Variants in PLAGL1 observed in about 807,000 individuals in gnomAD.
PLAGL1 encodes zinc finger protein PLAGL1.
Under a neutral mutation model 4.6 loss-of-function variants are expected in PLAGL1, and 1 was observed. That is an observed-to-expected ratio of 0.22 (90% CI 0.08 to 1.03). The LOEUF (loss-of-function observed/expected upper bound fraction) is 1.03. PLAGL1 is among the 50% of genes least tolerant of loss of function. The pLI, the probability that PLAGL1 is intolerant of heterozygous loss-of-function variation, is 0.58. For synonymous variants in PLAGL1, 240 were observed against 237.8 expected (o/e 1.01, Z -0.08); for missense variants, 464 against 570.4 (o/e 0.81, Z 1.90).
In PLAGL1 at chr6:143,983,041, A is replaced by G. The variant is rs1788292120; in HGVS notation, c.-544+2094T>C. ...GAGTGAGAATCGACAGAGGACAAGTACAGAGACTGTGCTCAGGGACAGCCA... is the reference window on the plus strand; with the variant it reads ...GAGTGAGAATCGACAGAGGACAAGTGCAGAGACTGTGCTCAGGGACAGCCA... On this transcript the variant is annotated intron_variant, in intron 2 of 7. Coordinates refer to ENST00000674357, the MANE Select transcript of PLAGL1 (RefSeq NM_001317162.2). The surrounding 1 kb of genome is among the most constrained non-coding windows in gnomAD (Gnocchi z 6.6). Among the ~76,000 whole-genome samples the G allele has an allele frequency of 6.6e-6, 1 of 152,204 alleles. No individual in the cohort carries two copies. The highest frequency in any genetic ancestry group is 2.1e-4 in the South Asian group (1 of 4,826).
At position 144,056,138 on chromosome 6, in the gene PLAGL1, T is replaced by G. The variant is rs576956294; in HGVS notation, c.-151+8330A>C. Among the ~76,000 whole-genome samples the G allele has an allele frequency of 6.8e-5, 10 of 146,674 alleles. No individual in the cohort carries two copies. The highest frequency in any genetic ancestry group is 1.3e-4 in the Non-Finnish European group (9 of 66,836). On this transcript the variant is annotated intron_variant, in intron 1 of 3. Transcript: ENST00000437412. The surrounding 1 kb of genome is among the most constrained non-coding windows in gnomAD (Gnocchi z 4.7). ...TCCAAGGGATCAGTTTGAGAACCGCTGCTTTATATCTTTTAACACATTCGC... is the reference window on the plus strand; with the variant it reads ...TCCAAGGGATCAGTTTGAGAACCGCGGCTTTATATCTTTTAACACATTCGC...
intron 1 of PLAGL1, among the ~76,000 whole-genome samples, chr6:144,023,739 G>A (rs567474239): frequency 1.4e-5 from 2 of 138,390 alleles, no homozygotes; most frequent in Non-Finnish European, 3.1e-5. Context: ...CTGGATTAGA[G>A]TTGGACATCA....
intron 1 of PLAGL1, among the ~76,000 whole-genome samples, chr6:143,987,366 A>G (rs1434371141): frequency 6.7e-6 from 1 of 149,334 alleles, no homozygotes; most frequent in Non-Finnish European, 1.5e-5. Flanking sequence ...GCTCTACTTC[A>G]TCAGAGGTTC....
At chr6:143,988,221 T>A (rs1254994691) in intron 1 of PLAGL1, among the ~76,000 whole-genome samples, 1 of 152,238 alleles carries the variant, frequency 6.6e-6, no homozygotes, top group African/African-American at 2.4e-5. Context: ...TTCTAGAACA[T>A]CCTACAAGAT....
At chr6:143,980,215 A>G (rs1277137703) in intron 2 of PLAGL1, among the ~76,000 whole-genome samples, 1 of 151,830 alleles carries the variant, frequency 6.6e-6, no homozygotes, top group Non-Finnish European at 1.5e-5. Flanking sequence ...TGCTTGCTTG[A>G]TATTTATTTA....
intron 2 of PLAGL1, among the ~76,000 whole-genome samples, 195 bp from the exon 3 acceptor site, chr6:143,969,173 A>G (rs1214659680): frequency 1.3e-5 from 2 of 152,024 alleles, no homozygotes; most frequent in African/African-American, 4.8e-5. Flanking sequence ...TTGAGTCCTT[A>G]AGGGATCTTT....
intron 1 of PLAGL1, among the ~76,000 whole-genome samples, chr6:143,996,271 G>T (rs1346216286): frequency 1.3e-5 from 2 of 152,162 alleles, no homozygotes; most frequent in African/African-American, 4.8e-5. Context: ...TCACAGAGCT[G>T]CGATGTCTGC....
In PLAGL1 at chr6:143,990,354, C is replaced by T. The variant is rs1000912048; in HGVS notation, c.-583-5180G>A. Among the ~76,000 whole-genome samples the T allele has an allele frequency of 8.5e-5, 13 of 152,160 alleles. No individual in the cohort carries two copies. Among genetic ancestry groups the T allele is most frequent in the Non-Finnish European group, 1.9e-4 (13 of 68,022 alleles). On this transcript the variant is annotated intron_variant, in intron 1 of 7. Coordinates refer to ENST00000674357, the MANE Select transcript of PLAGL1 (RefSeq NM_001317162.2). This position sits in a 1 kb window ranked among gnomAD's most constrained non-coding sequence, Gnocchi z 5.4. ...CAGGATGGTCTCCATCCCCTGACCTCGGGATCCGCCCGCCTTGGCCTCCCA... is the reference window on the plus strand; with the variant it reads ...CAGGATGGTCTCCATCCCCTGACCTTGGGATCCGCCCGCCTTGGCCTCCCA...
rs567076507 is a variant in PLAGL1 at position 143,994,130 on chromosome 6, A to G, written c.-583-8956T>C. Among the ~76,000 whole-genome samples the G allele has an allele frequency of 2.0e-5, 3 of 152,264 alleles. No individual in the cohort carries two copies. The highest frequency in any genetic ancestry group is 6.5e-5 in the Admixed American group (1 of 15,296). ...AGGTAGAATCAGGGCCTAATCAAGA[A>G]GCATTTTACTCTCCAGGTTTTGAAG... On this transcript the variant is annotated intron_variant, in intron 1 of 7. Coordinates refer to ENST00000674357, the MANE Select transcript of PLAGL1 (RefSeq NM_001317162.2). This position sits in a 1 kb window ranked among gnomAD's most constrained non-coding sequence, Gnocchi z 4.3.
chr6:144,024,157 C>T (rs1796172369), intron 1 of PLAGL1, among the ~76,000 whole-genome samples: 1 of 152,124 alleles, frequency 6.6e-6, no homozygotes, highest in African/African-American at 2.4e-5. Context: ...CTATATATTT[C>T]CTAGCTCTGT....
At chr6:143,992,249 T>G (rs1197796402) in intron 1 of PLAGL1, among the ~76,000 whole-genome samples, 2 of 152,224 alleles carry the variant, frequency 1.3e-5, no homozygotes, top group African/African-American at 4.8e-5. Context: ...TTGAATATTC[T>G]TTTTTTGAAC....
chr6:144,033,182 C>A (rs1395938962), intron 1 of PLAGL1, among the ~76,000 whole-genome samples: 3 of 152,178 alleles, frequency 2.0e-5, no homozygotes, highest in Non-Finnish European at 4.4e-5. Flanking sequence ...ATGTGAGTGA[C>A]ATGAGGACTA....
In PLAGL1 at chr6:144,013,645, T is replaced by C. The variant is rs949819690; in HGVS notation, c.-150-44667A>G. ...ATTCCTTCCTCACAACTTCCAGCTT[T>C]TGGTGACCACTGCCATTCCCTGGCT... On this transcript the variant is annotated intron_variant, in intron 1 of 3. Transcript: ENST00000437412. This position sits in a 1 kb window ranked among gnomAD's most constrained non-coding sequence, Gnocchi z 4.4. Among the ~76,000 whole-genome samples the C allele has an allele frequency of 1.3e-5, 2 of 152,240 alleles. No homozygotes were observed. Among genetic ancestry groups the C allele is most frequent in the Non-Finnish European group, 2.9e-5 (2 of 68,026 alleles).
chr6:143,982,176 A>G lies in PLAGL1; in HGVS notation c.-544+2959T>C, dbSNP rs1246445682. Among the ~76,000 whole-genome samples, 1 of 152,188 alleles carries G rather than the reference A, an allele frequency of 6.6e-6. No individual in the cohort carries two copies. Among genetic ancestry groups the G allele is most frequent in the Non-Finnish European group, 1.5e-5 (1 of 68,028 alleles). On this transcript the variant is annotated intron_variant, in intron 2 of 7. Coordinates refer to ENST00000674357, the MANE Select transcript of PLAGL1 (RefSeq NM_001317162.2). The surrounding 1 kb of genome is among the most constrained non-coding windows in gnomAD (Gnocchi z 5.3). Reference sequence around the variant, plus strand: ...GATGGTGATTTTAAAAAAAAAAGTAATGAAGAGACAGGAAGTGCTAAGAGA... The same window carrying G: ...GATGGTGATTTTAAAAAAAAAAGTAGTGAAGAGACAGGAAGTGCTAAGAGA...
At chr6:144,042,754 T>C (rs1396600789) in intron 1 of PLAGL1, among the ~76,000 whole-genome samples, 1 of 152,212 alleles carries the variant, frequency 6.6e-6, no homozygotes, top group Non-Finnish European at 1.5e-5. Context: ...AATCTATAAA[T>C]TACCTTGGGC....
intron 1 of PLAGL1, among the ~76,000 whole-genome samples, chr6:144,046,121 G>A (rs1322742019): frequency 6.6e-6 from 1 of 152,112 alleles, no homozygotes; most frequent in Non-Finnish European, 1.5e-5. Context: ...CTTGCAATGG[G>A]TTTGAACATC....
rs1027499613 is a variant in PLAGL1 at position 144,004,949 on chromosome 6, TAC to T, written c.-584+3139_-584+3140del. The T allele has an allele frequency of 1.4e-5, 2 of 145,962 alleles. No individual in the cohort carries two copies. Among genetic ancestry groups the T allele is most frequent in the Non-Finnish European group, 3.0e-5 (2 of 66,556 alleles). 9.0% of individuals were successfully genotyped at this position (145,962 alleles called of 1,614,324 possible). A position where few individuals can be genotyped will look rare whatever the true frequency, so the allele number is the denominator to read the frequency against. On this transcript the variant is annotated intron_variant, in intron 1 of 7. Coordinates refer to ENST00000674357, the MANE Select transcript of PLAGL1 (RefSeq NM_001317162.2). This position sits in a 1 kb window ranked among gnomAD's most constrained non-coding sequence, Gnocchi z 4.2. ...AGGAGATTTTATTCATATATATATA[TAC>T]ATTTATATAAATATATTTAATTTTT...
chr6:144,056,353 G>A lies in PLAGL1; in HGVS notation c.-151+8115C>T, dbSNP rs145555146. On this transcript the variant is annotated intron_variant, in intron 1 of 3. Transcript: ENST00000437412. The surrounding 1 kb of genome is among the most constrained non-coding windows in gnomAD (Gnocchi z 4.7). ...CACACCATTATCACCCAGCGTCCAT[G>A]GTTCACATTCGGGCTCACCTTGACG... is the stretch of plus-strand genomic sequence containing the variant. 1.3e-5 allele frequency among the ~76,000 whole-genome samples: 2 copies of A among 152,254 alleles called. No homozygotes were observed. The highest frequency in any genetic ancestry group is 2.9e-5 in the Non-Finnish European group (2 of 68,030).
At position 144,016,061 on chromosome 6, in the gene PLAGL1, T is replaced by C. The variant is rs1795542899; in HGVS notation, c.-150-47083A>G. Among the ~76,000 whole-genome samples, 1 of 152,170 alleles carries C rather than the reference T, an allele frequency of 6.6e-6. No individual in the cohort carries two copies. The highest frequency in any genetic ancestry group is 2.1e-4 in the South Asian group (1 of 4,834). ...CGGAGTCAAAGAAATCATATTGTAT[T>C]AGTCAGGGTTCTCTAGAGGGACAGA... On this transcript the variant is annotated intron_variant, in intron 1 of 3. Coordinates refer to the PLAGL1 transcript ENST00000437412. The surrounding 1 kb of genome is among the most constrained non-coding windows in gnomAD (Gnocchi z 4.2).
Sources: allele counts gnomAD v4.1 joint callset (sites outside exome capture counted in the v4.1 genomes callset), GRCh38; gene constraint gnomAD v4.1.1; non-coding constraint Gnocchi (gnomAD v3.1); transcripts MANE v1.5; gene names NCBI Gene and HGNC (gene_info 2026-07-23, HGNC 2026-07-21).